Variants in TRAPPC9 observed in about 807,000 individuals in gnomAD.
The protein encoded by TRAPPC9 is trafficking protein particle complex subunit 9.
TRAPPC9 carries 83 observed loss-of-function variants against 124.0 expected under a neutral mutation model. That is an observed-to-expected ratio of 0.67 (90% confidence interval 0.56 to 0.80). The LOEUF is 0.80. Ranked by LOEUF, TRAPPC9 falls within the 30% of genes least tolerant of loss-of-function variation. TRAPPC9 has a pLI of 0.00. For synonymous variants in TRAPPC9, 638 were observed against 617.5 expected (o/e 1.03, Z -0.49); for missense variants, 1,302 against 1,508.3 (o/e 0.86, Z 2.27).
intron 17 of TRAPPC9, among the ~76,000 whole-genome samples, chr8:140,179,193 T>C (rs1420181812): frequency 6.6e-6 from 1 of 152,142 alleles, no homozygotes; most frequent in African/African-American, 2.4e-5. Context: ...AAGTCTCCTT[T>C]CCCAGTGTAA....
At chr8:140,091,971 G>A (rs1041364069) in intron 17 of TRAPPC9, among the ~76,000 whole-genome samples, 2 of 149,722 alleles carry the variant, frequency 1.3e-5, no homozygotes, top group Non-Finnish European at 3.0e-5. Flanking sequence ...CGATTCAGCC[G>A]CAGAACGCTG....
At chr8:140,386,837 A>T (rs1157132156) in intron 7 of TRAPPC9, among the ~76,000 whole-genome samples, 1 of 152,218 alleles carries the variant, frequency 6.6e-6, no homozygotes, top group Admixed American at 6.5e-5. Context: ...ATATGGAACC[A>T]AAAAAGAGCC....
intron 3 of TRAPPC9, among the ~76,000 whole-genome samples, chr8:140,438,426 T>C (rs544420026): frequency 6.6e-6 from 1 of 151,498 alleles, no homozygotes; most frequent in African/African-American, 2.4e-5. Flanking sequence ...ATGGAGGAGG[T>C]TTTGAGGGAG....
At chr8:140,313,725 G>A (rs553748834) in intron 9 of TRAPPC9, among the ~76,000 whole-genome samples, 2 of 152,228 alleles carry the variant, frequency 1.3e-5, no homozygotes, top group South Asian at 4.1e-4. Context: ...CTTCTGCTGG[G>A]GTGGAAAAGG....
At position 139,816,491 on chromosome 8, in the gene TRAPPC9, C is replaced by T. The variant is rs577564724; in HGVS notation, c.3055+69388G>A. 3.3e-5 allele frequency among the ~76,000 whole-genome samples: 5 copies of T among 152,238 alleles called. No homozygotes were observed. The South Asian group carries it at 1.0e-3, about 32-fold the overall frequency. On this transcript the variant is annotated intron_variant, in intron 21 of 22. Transcript: ENST00000438773. ...GCTGGGAGAGACGCAAGGGGGCTGC[C>T]CCCATCTCAGTATGGAGATGGGCCA...
chr8:140,194,673 C>T (rs1173933030), intron 17 of TRAPPC9, among the ~76,000 whole-genome samples: 2 of 152,174 alleles, frequency 1.3e-5, no homozygotes, highest in Non-Finnish European at 2.9e-5. Context: ...TCAATACCTA[C>T]TCATCTTTCA....
intron 5 of TRAPPC9, among the ~76,000 whole-genome samples, chr8:140,412,490 TCAA>T (rs1432312065): frequency 6.6e-6 from 1 of 152,162 alleles, no homozygotes; most frequent in African/African-American, 2.4e-5. Flanking sequence ...ATTGAATGCA[TCAA>T]CGTTAAATTC....
intron 20 of TRAPPC9, among the ~76,000 whole-genome samples, chr8:139,902,758 G>A (rs1407929495): frequency 1.3e-5 from 2 of 152,120 alleles, no homozygotes; most frequent in Non-Finnish European, 2.9e-5. Flanking sequence ...CCGAAGGGTG[G>A]GCCCACACAG....
intron 9 of TRAPPC9, among the ~76,000 whole-genome samples, chr8:140,316,202 C>G (rs1026204530): frequency 2.6e-5 from 4 of 152,070 alleles, no homozygotes; most frequent in African/African-American, 9.7e-5. Context: ...GAATATCAAG[C>G]AGAATGGGAA....
At chr8:140,284,688 G>A (rs2065434355) in intron 13 of TRAPPC9, among the ~76,000 whole-genome samples, 1 of 152,146 alleles carries the variant, frequency 6.6e-6, no homozygotes, top group Non-Finnish European at 1.5e-5. Context: ...AATACCCCAT[G>A]GCTAGATGCC....
chr8:139,873,757 G>A (rs761328360), intron 21 of TRAPPC9, among the ~76,000 whole-genome samples: 21 of 152,328 alleles, frequency 1.4e-4, no homozygotes, highest in South Asian at 2.1e-4. Flanking sequence ...TTCTGTTCTC[G>A]GCCATATTCC....
chr8:140,197,375 G>C (rs908423183), intron 17 of TRAPPC9, among the ~76,000 whole-genome samples: 2 of 152,234 alleles, frequency 1.3e-5, no homozygotes, highest in African/African-American at 2.4e-5. Context: ...CCTGTAAAGA[G>C]GGCAGGGCAG....
chr8:139,852,820 T>C (rs920879719), intron 21 of TRAPPC9, among the ~76,000 whole-genome samples: 2 of 152,138 alleles, frequency 1.3e-5, no homozygotes, highest in African/African-American at 4.8e-5. Flanking sequence ...AAAGGTAAGT[T>C]CATGATCCTT....
intron 16 of TRAPPC9, among the ~76,000 whole-genome samples, chr8:140,230,525 T>C (rs751909609): frequency 2.6e-5 from 4 of 151,116 alleles, no homozygotes; most frequent in Non-Finnish European, 5.9e-5. Context: ...GGCAGGAGAA[T>C]GATGTGAACC....
chr8:139,983,536 A>AT (rs1837048503), intron 19 of TRAPPC9, among the ~76,000 whole-genome samples: 1 of 152,086 alleles, frequency 6.6e-6, no homozygotes. Context: ...AAACACAGGC[A>AT]ACACCACACG....
intron 18 of TRAPPC9, among the ~76,000 whole-genome samples, chr8:140,004,806 C>T (rs1838641422): frequency 1.3e-5 from 2 of 152,128 alleles, no homozygotes; most frequent in South Asian, 4.1e-4. Context: ...GCAGATATCC[C>T]CAAGGCCTCC....
At chr8:139,980,640 G>A (rs1048104970) in intron 19 of TRAPPC9, among the ~76,000 whole-genome samples, 2 of 152,210 alleles carry the variant, frequency 1.3e-5, no homozygotes, top group Non-Finnish European at 2.9e-5. Flanking sequence ...GCATGGATTC[G>A]ATTCCTACTT....
At chr8:140,417,303 C>T (rs1019361553) in intron 5 of TRAPPC9, among the ~76,000 whole-genome samples, 3 of 151,966 alleles carry the variant, frequency 2.0e-5, no homozygotes, top group African/African-American at 7.2e-5. Context: ...AAAATTTTTG[C>T]AATCTATCTG....
rs548486316 is a variant in TRAPPC9 at position 140,429,091 on chromosome 8, T to G, written c.860-2450A>C. ...TTTTTTGTTTTTCTGTTTTTGTTTT[T>G]TTTTTTTTGAGACAGAGTCTCACTC... On this transcript the variant is annotated intron_variant, in intron 4 of 22. Transcript: ENST00000438773. 9.1e-3 allele frequency among the ~76,000 whole-genome samples: 1,381 copies of G among 151,448 alleles called. 32 individuals carry two copies. The highest frequency in any genetic ancestry group is 0.032 in the African/African-American group (1,326 of 41,388).
Sources: allele counts gnomAD v4.1 joint callset (sites outside exome capture counted in the v4.1 genomes callset), GRCh38; gene constraint gnomAD v4.1.1; transcripts MANE v1.5; gene names NCBI Gene and HGNC (gene_info 2026-07-23, HGNC 2026-07-21).